The following ARHGEF4 variants were observed in gnomAD, a reference collection of about 807,000 sequenced individuals.
The protein encoded by ARHGEF4 is APC-stimulated guanine nucleotide exchange factor 1.
A neutral mutation model predicts 162.0 loss-of-function variants in ARHGEF4; 119 were observed. That is an observed-to-expected ratio of 0.73 (90% confidence interval 0.63 to 0.86). ARHGEF4 has a LOEUF of 0.86. Among genes scored for constraint, ARHGEF4 ranks in the 40% least tolerant of loss-of-function variants. The probability of loss-of-function intolerance (pLI) is 0.00; values close to 1 mark genes in which losing one functional copy is unlikely to be tolerated. For synonymous variants in ARHGEF4, 1,014 were observed against 979.9 expected (o/e 1.03, Z -0.65); for missense variants, 2,488 against 2,456.0 (o/e 1.01, Z -0.28).
At chr2:130,848,372 A>G (rs16856192) in intron 1 of ARHGEF4, among the ~76,000 whole-genome samples, 18,788 of 152,260 alleles carry the variant, frequency 0.12, 1,643 homozygotes, top group African/African-American at 0.24. Flanking sequence ...GTTAGAGTCC[A>G]GGCCCGTGCT....
chr2:130,837,602 C>T (rs972907703), intron 1 of ARHGEF4: 7 of 451,698 alleles, frequency 1.5e-5, no homozygotes, highest in Admixed American at 2.4e-5. Flanking sequence ...GTTGGGACGC[C>T]TCCACCTCGC....
rs145704661 is a variant in ARHGEF4, at chr2:130,979,604, C to T, written c.3985+32969C>T. Among the ~76,000 whole-genome samples the T allele has an allele frequency of 1.6e-3, 238 of 151,880 alleles. 3 individuals are homozygous for T. Among genetic ancestry groups the T allele is most frequent in the African/African-American group, 5.5e-3 (229 of 41,390 alleles). ...TACAAAAATTAGATGGGCTTGGTAG[C>T]GGGAGCCTGTAATCCCAGCTACTCG... On this transcript the variant is annotated intron_variant, in intron 4 of 13. Transcript: ENST00000409359.
At chr2:130,882,832 A>G (rs893767455) in intron 1 of ARHGEF4, among the ~76,000 whole-genome samples, 25 of 152,098 alleles carry the variant, frequency 1.6e-4, no homozygotes, top group Admixed American at 1.0e-3. Flanking sequence ...CACCCCGTCA[A>G]GCAGATCCTC....
chr2:131,011,193 A>G (rs1391885099), intron 4 of ARHGEF4, among the ~76,000 whole-genome samples: 1 of 152,192 alleles, frequency 6.6e-6, no homozygotes, highest in Non-Finnish European at 1.5e-5. Flanking sequence ...AAAGGTTTAG[A>G]TTACATTTTC....
chr2:131,042,513 C>T (rs1573709217), intron 10 of ARHGEF4, among the ~76,000 whole-genome samples: 2 of 152,320 alleles, frequency 1.3e-5, no homozygotes, highest in East Asian at 1.9e-4. Context: ...GGCTCCCTAC[C>T]CACATGGGTG....
At chr2:130,877,579 G>C (rs1447822371) in intron 1 of ARHGEF4, among the ~76,000 whole-genome samples, 2 of 152,098 alleles carry the variant, frequency 1.3e-5, no homozygotes, top group Non-Finnish European at 2.9e-5. Context: ...GAACCCAGTA[G>C]GCCAAGGCTG....
At chr2:131,039,831 T>TCGTC in intron 6 of ARHGEF4, 185 bp from the exon 7 acceptor site, 1 of 1,403,034 alleles carries the variant, frequency 7.1e-7, no homozygotes, top group Non-Finnish European at 9.2e-7. Context: ...GGCGTCGGAG[T>TCGTC]CGTCATTCCT....
intron 5 of ARHGEF4, among the ~76,000 whole-genome samples, chr2:131,034,303 C>G (rs983416339): frequency 2.6e-5 from 4 of 152,346 alleles, no homozygotes; most frequent in Admixed American, 2.6e-4. Flanking sequence ...GAAGGACACA[C>G]TGACTGTACC....
intron 5 of ARHGEF4, among the ~76,000 whole-genome samples, chr2:131,033,728 T>G (rs566403017): frequency 6.6e-6 from 1 of 152,252 alleles, no homozygotes; most frequent in East Asian, 1.9e-4. Context: ...GACCAGCGTT[T>G]TCTAAAGAAC....
At chr2:130,954,478 A>G (rs1329875339) in intron 4 of ARHGEF4, among the ~76,000 whole-genome samples, 2 of 152,202 alleles carry the variant, frequency 1.3e-5, no homozygotes, top group Admixed American at 6.5e-5. Flanking sequence ...CAGCACACCA[A>G]TGTGGCACAT....
intron 5 of ARHGEF4, among the ~76,000 whole-genome samples, chr2:131,034,441 A>T (rs560074012): frequency 1.3e-5 from 2 of 152,266 alleles, no homozygotes; most frequent in East Asian, 3.9e-4. Context: ...TTCCAAAGGA[A>T]CACAATGCTG....
At chr2:130,853,210 T>C (rs1007241404) in intron 1 of ARHGEF4, among the ~76,000 whole-genome samples, 26 of 152,200 alleles carry the variant, frequency 1.7e-4, no homozygotes, top group African/African-American at 6.0e-4. Context: ...TGATTCACAG[T>C]GCGGGTTAGC....
chr2:131,041,448 G>A lies in ARHGEF4; in HGVS notation c.4881G>A (p.Thr1627=), dbSNP rs1483318405. 10 of 1,612,288 alleles carry A rather than the reference G, an allele frequency of 6.2e-6. No homozygotes were observed. The highest frequency in any genetic ancestry group is 3.3e-5 in the South Asian group (3 of 90,956). The change falls in exon 9 of 14, where the codon ACG becomes ACA. Residue 1627 remains threonine (T), a synonymous_variant. Transcript: ENST00000409359. The part of the protein sequence containing the change: ...PLQLAELLKY[T]HPQHRDFKDV... ...AGCTGGCCGAGCTGCTCAAATACAC[G>A]CACCCCCAGCACAGGTAGGAGGGCA...
chr2:130,909,502 G>T (rs1446388155), intron 1 of ARHGEF4, among the ~76,000 whole-genome samples: 5 of 152,178 alleles, frequency 3.3e-5, no homozygotes, highest in African/African-American at 7.2e-5. Context: ...GAAGGAGAGG[G>T]TGTTGAGGGA....
At chr2:130,954,083 G>T (rs1226793458) in intron 4 of ARHGEF4, among the ~76,000 whole-genome samples, 4 of 152,178 alleles carry the variant, frequency 2.6e-5, no homozygotes, top group African/African-American at 9.7e-5. Context: ...AAATCATGCT[G>T]CTATAAAGAC....
At chr2:130,996,923 G>C (rs1687427612) in intron 4 of ARHGEF4, among the ~76,000 whole-genome samples, 1 of 152,052 alleles carries the variant, frequency 6.6e-6, no homozygotes, top group Non-Finnish European at 1.5e-5. Flanking sequence ...TCTTTTTCTT[G>C]TTGATTTGCA....
chr2:131,045,549 T>C, intron 13 of ARHGEF4, 103 bp downstream of exon 13: 21 of 1,610,686 alleles, frequency 1.3e-5, no homozygotes, highest in Non-Finnish European at 1.7e-5. Context: ...CCACCAGGCC[T>C]GAGGGGGGCC....
In ARHGEF4 at chr2:131,038,990, G is replaced by C; in HGVS notation, c.4263G>C (p.Arg1421=). 6.2e-7 allele frequency: 1 copy of C among 1,613,532 alleles called. No homozygotes were observed. The highest frequency in any genetic ancestry group is 1.3e-5 in the African/African-American group (1 of 75,068). The part of the protein sequence containing the change: ...DATNREWWWG[R]VADGEGWFPA... ...CCAACAGAGAGTGGTGGTGGGGCCG[G>C]GTCGCCGATGGCGAGGGCTGGTTTC... is the stretch of plus-strand genomic sequence containing the variant. Residue 1421 remains arginine (R), a synonymous_variant, in exon 6 of 14, where the codon CGG becomes CGC. Transcript: ENST00000409359.
rs117573315 is a variant in ARHGEF4, at chr2:130,852,636, G to C, written c.39+15644G>C. On this transcript the variant is annotated intron_variant, in intron 1 of 13. Transcript: ENST00000409359. ...TGGGACGCCCTGCACGGAGGCGAGC[G>C]AGCACGATGTGCAGAACTCCAAGAG... Among the ~76,000 whole-genome samples, 787 of 152,286 alleles carry C rather than the reference G, an allele frequency of 5.2e-3. 24 individuals carry two copies. The East Asian group carries it at 0.058, about 11-fold the overall frequency.
Sources: allele counts gnomAD v4.1 joint callset (sites outside exome capture counted in the v4.1 genomes callset), GRCh38; gene constraint gnomAD v4.1.1; transcripts MANE v1.5; gene names NCBI Gene and HGNC (gene_info 2026-07-23, HGNC 2026-07-21).